Variants in KCNH1 observed in about 807,000 individuals in gnomAD.
KCNH1 encodes the protein potassium voltage-gated channel subfamily H member 1, also known as voltage-gated delayed rectifier potassium channel KCNH1.
In KCNH1, 27 loss-of-function variants were observed where a neutral mutation model predicts 69.2. That is an observed-to-expected ratio of 0.39 (90% CI 0.29 to 0.54). The LOEUF is 0.54. Ranked by LOEUF, KCNH1 falls within the 20% of genes least tolerant of loss-of-function variation. The pLI is 0.68. For synonymous variants in KCNH1, 456 were observed against 487.7 expected (o/e 0.93, Z 0.86); for missense variants, 798 against 1,261.6 (o/e 0.63, Z 5.57).
intron 10 of KCNH1, among the ~76,000 whole-genome samples, chr1:210,765,444 C>T (rs1023328510): frequency 6.6e-6 from 1 of 152,118 alleles, no homozygotes; most frequent in African/African-American, 2.4e-5. Flanking sequence ...TTGGTGATTG[C>T]CAGGCTTGAG....
chr1:210,745,003 G>C (rs902900792), intron 10 of KCNH1, among the ~76,000 whole-genome samples: 2 of 102,206 alleles, frequency 2.0e-5, no homozygotes, highest in Non-Finnish European at 4.2e-5. Flanking sequence ...AGGAATTCGA[G>C]ACCAGCCTGG....
At chr1:211,054,672 T>C (rs1690270425) in intron 5 of KCNH1, among the ~76,000 whole-genome samples, 1 of 152,222 alleles carries the variant, frequency 6.6e-6, no homozygotes, top group African/African-American at 2.4e-5. Context: ...ACTGAGGTCC[T>C]TGTTTTGCGC....
chr1:211,116,329 A>G (rs1251548487), intron 1 of KCNH1, among the ~76,000 whole-genome samples: 2 of 152,190 alleles, frequency 1.3e-5, no homozygotes, highest in Admixed American at 6.5e-5. Flanking sequence ...GCTCTTAACA[A>G]TATAACTTCT....
At chr1:210,873,058 C>T (rs1021851773) in intron 7 of KCNH1, among the ~76,000 whole-genome samples, 17 of 152,174 alleles carry the variant, frequency 1.1e-4, no homozygotes, top group African/African-American at 3.9e-4. Flanking sequence ...TAGCTTTTGA[C>T]AGAATTGTCC....
chr1:210,974,717 C>A (rs1688571379), intron 6 of KCNH1, among the ~76,000 whole-genome samples: 1 of 152,022 alleles, frequency 6.6e-6, no homozygotes, highest in Admixed American at 6.6e-5. Context: ...GTGCGTGACA[C>A]TACGCCCGGC....
intron 5 of KCNH1, among the ~76,000 whole-genome samples, chr1:211,023,677 G>A (rs969595004): frequency 6.6e-6 from 1 of 151,914 alleles, no homozygotes; most frequent in African/African-American, 2.4e-5. Flanking sequence ...AATGTGATAG[G>A]GAAGCGTTGG....
At chr1:210,770,346 C>T (rs910571063) in intron 10 of KCNH1, among the ~76,000 whole-genome samples, 1 of 152,172 alleles carries the variant, frequency 6.6e-6, no homozygotes, top group Non-Finnish European at 1.5e-5. Context: ...ACGTTCTGCA[C>T]ATGTATCCCA....
chr1:210,745,316 T>C (rs1003047221), intron 10 of KCNH1, among the ~76,000 whole-genome samples: 4 of 152,192 alleles, frequency 2.6e-5, no homozygotes, highest in African/African-American at 4.8e-5. Context: ...GGAAGGTCTC[T>C]GAGGAAATGG....
rs895624409 is a variant in KCNH1 at position 210,683,387 on chromosome 1, A to T, written c.2864T>A (p.Leu955His). 2.5e-6 allele frequency: 4 copies of T among 1,613,984 alleles called. No homozygotes were observed. The African/African-American group carries it at 4.0e-5, about 16-fold the overall frequency. The change falls in exon 11 of 11, where the codon CTC becomes CAC. Residue 955 changes from leucine to histidine, a missense_variant. Around this residue, in one of 4 missense-constraint regions of KCNH1, gnomAD observed 331 missense variants for 363.2 expected, o/e 0.91. Transcript: ENST00000271751. The surrounding 1 kb of genome is among the most constrained non-coding windows in gnomAD (Gnocchi z 5.7). ...TNIEKQLSEILRILTSRRSSQ... is the reference protein window; with the variant it reads ...TNIEKQLSEIHRILTSRRSSQ... Reference sequence around the variant, plus strand: ...GGATCTTCTGGAAGTTAATATCCTGAGTATCTCAGAGAGCTGTTTCTCAAT... The same window carrying T: ...GGATCTTCTGGAAGTTAATATCCTGTGTATCTCAGAGAGCTGTTTCTCAAT...
chr1:210,783,049 A>C (rs992099493), intron 9 of KCNH1, among the ~76,000 whole-genome samples: 5 of 152,266 alleles, frequency 3.3e-5, no homozygotes, highest in African/African-American at 1.2e-4. Flanking sequence ...CCATGCTTAG[A>C]ACATAGTAGG....
chr1:210,993,327 G>C (rs1459590064), intron 6 of KCNH1, among the ~76,000 whole-genome samples: 1 of 152,102 alleles, frequency 6.6e-6, no homozygotes, highest in Non-Finnish European at 1.5e-5. Flanking sequence ...TGATTCTTAT[G>C]CACTTTAATT....
At chr1:211,010,244 G>A (rs1292676799) in intron 6 of KCNH1, among the ~76,000 whole-genome samples, 2 of 152,138 alleles carry the variant, frequency 1.3e-5, no homozygotes, top group Non-Finnish European at 2.9e-5. Context: ...GGGGTTCAGT[G>A]CACTAGTGGA....
At chr1:210,707,262 A>G (rs949053043) in intron 10 of KCNH1, among the ~76,000 whole-genome samples, 2 of 152,022 alleles carry the variant, frequency 1.3e-5, no homozygotes, top group African/African-American at 2.4e-5. Flanking sequence ...AATGCACCCT[A>G]CCCAACCCCA....
intron 6 of KCNH1, among the ~76,000 whole-genome samples, chr1:210,975,987 C>G (rs957165251): frequency 6.6e-6 from 1 of 152,154 alleles, no homozygotes; most frequent in African/African-American, 2.4e-5. Flanking sequence ...GCAGCCAATA[C>G]ACACATGAAA....
At chr1:211,020,595 TATTTTTAAAAATTGA>T (rs1689571299) in intron 5 of KCNH1, among the ~76,000 whole-genome samples, 1 of 152,136 alleles carries the variant, frequency 6.6e-6, no homozygotes, top group African/African-American at 2.4e-5. Context: ...ATTCTCAAAC[TATTTTTAAAAATTGA>T]AGGGGAGGGC....
Position 211,133,835 on chromosome 1 carries a change from C to A in KCNH1, c.79+32G>T. 6.3e-7 allele frequency: 1 copy of A among 1,592,942 alleles called. No homozygotes were observed. Among genetic ancestry groups the A allele is most frequent in the Non-Finnish European group, 8.6e-7 (1 of 1,166,002 alleles). ...TGCAATAAAGGCACGGATAAAACGCCCGGGTAATCGAAATCCGAATGCACC... is the reference window on the plus strand; with the variant it reads ...TGCAATAAAGGCACGGATAAAACGCACGGGTAATCGAAATCCGAATGCACC... On this transcript the variant is annotated intron_variant, in intron 1 of 10. Transcript: ENST00000271751. This position sits in a 1 kb window ranked among gnomAD's most constrained non-coding sequence, Gnocchi z 5.4.
At chr1:210,718,006 C>T (rs1357046192) in intron 10 of KCNH1, among the ~76,000 whole-genome samples, 1 of 151,742 alleles carries the variant, frequency 6.6e-6, no homozygotes, top group Non-Finnish European at 1.5e-5. Flanking sequence ...ACTGGGGAGG[C>T]GGAGGCCCGG....
chr1:210,884,671 A>AGGCAT (rs1201007815), intron 7 of KCNH1, among the ~76,000 whole-genome samples: 1 of 152,196 alleles, frequency 6.6e-6, no homozygotes, highest in Non-Finnish European at 1.5e-5. Flanking sequence ...CACTCTCCCC[A>AGGCAT]GGCCTGGCCT....
At chr1:211,086,268 C>G (rs1392021163) in intron 4 of KCNH1, among the ~76,000 whole-genome samples, 1 of 152,170 alleles carries the variant, frequency 6.6e-6, no homozygotes, top group Non-Finnish European at 1.5e-5. Flanking sequence ...CGGTCCATTT[C>G]ACAAACTCTC....
Sources: gnomAD v4.1 joint callset for allele counts (sites outside exome capture counted in the v4.1 genomes callset) on GRCh38, gnomAD v4.1.1 for gene constraint, gnomAD v4.1.1 regional missense constraint, Gnocchi (gnomAD v3.1) non-coding constraint, MANE v1.5 for transcripts, NCBI Gene and HGNC (gene_info 2026-07-23, HGNC 2026-07-21) for gene names.